The following SLCO1C1 variants were observed in gnomAD, a reference collection of about 807,000 sequenced individuals.
SLCO1C1 encodes the protein OAT-RP-5.
A neutral mutation model predicts 76.4 loss-of-function variants in SLCO1C1; 70 were observed. That is an observed-to-expected ratio of 0.92 (90% CI 0.76 to 1.12). The LOEUF (loss-of-function observed/expected upper bound fraction) is 1.12. SLCO1C1 is among the 50% of genes most tolerant of loss of function. The probability of loss-of-function intolerance (pLI) is 0.00; values close to 1 mark genes in which losing one functional copy is unlikely to be tolerated. For missense variants in SLCO1C1, 912 were observed against 823.8 expected (o/e 1.11, Z -1.31); for synonymous variants, 306 against 286.1 (o/e 1.07, Z -0.70).
intron 9 of SLCO1C1, among the ~76,000 whole-genome samples, chr12:20,730,861 T>G (rs1948230139): frequency 6.6e-6 from 1 of 152,144 alleles, no homozygotes; most frequent in South Asian, 2.1e-4. Context: ...CTGAGACACA[T>G]ACTCAAACAC....
At chr12:20,718,613 C>T (rs918604930) in intron 7 of SLCO1C1, among the ~76,000 whole-genome samples, 2 of 152,014 alleles carry the variant, frequency 1.3e-5, no homozygotes, top group African/African-American at 4.8e-5. Flanking sequence ...AGGTTTCCAA[C>T]GGGTTTGGAC....
chr12:20,750,922 T>C (rs762387725), intron 14 of SLCO1C1, 130 bp downstream of exon 14: 7 of 1,535,824 alleles, frequency 4.6e-6, no homozygotes. Flanking sequence ...TCAAAAAGTG[T>C]GATCTGTAGT....
intron 6 of SLCO1C1, among the ~76,000 whole-genome samples, chr12:20,715,892 C>A (rs1947339778): frequency 6.6e-6 from 1 of 152,154 alleles, no homozygotes; most frequent in Non-Finnish European, 1.5e-5. Context: ...ATAGCAGAGG[C>A]AAAGTCCTAA....
At position 20,725,025 on chromosome 12, in the gene SLCO1C1, A is replaced by G. The variant is rs191661286; in HGVS notation, c.1186+1771A>G. 4.8e-4 allele frequency among the ~76,000 whole-genome samples: 68 copies of G among 140,906 alleles called. 2 individuals are homozygous for G. The East Asian group carries it at 0.014, about 29-fold the overall frequency. The allele number at this position is 140,906 out of a possible 152,430, so 92.4% of individuals were successfully genotyped here. ...AAAACATATATTTAAAATATCTAAC[A>G]TATATTAATATGTATATAATATGTA... On this transcript the variant is annotated intron_variant, in intron 9 of 14. Coordinates refer to ENST00000266509, the MANE Select transcript of SLCO1C1 (RefSeq NM_017435.5).
At chr12:20,738,569 G>A (rs778033784) in intron 11 of SLCO1C1, among the ~76,000 whole-genome samples, 20 of 152,118 alleles carry the variant, frequency 1.3e-4, no homozygotes, top group Non-Finnish European at 2.6e-4. Context: ...CAATGAATAA[G>A]ACTACCTACT....
chr12:20,697,396 C>T (rs1946318805), intron 1 of SLCO1C1: 1 of 151,958 alleles, frequency 6.6e-6, no homozygotes, highest in African/African-American at 2.4e-5. Flanking sequence ...TCTTGCTTGG[C>T]AATATTTTTA....
chr12:20,726,634 T>C (rs1359462548), intron 9 of SLCO1C1, among the ~76,000 whole-genome samples: 4 of 152,180 alleles, frequency 2.6e-5, no homozygotes, highest in Non-Finnish European at 5.9e-5. Context: ...AGATTTTTAA[T>C]GAAAGAAATT....
rs755472313 is a variant in SLCO1C1 at position 20,723,046 on chromosome 12, C to T, written c.1022-44C>T. 2.1e-5 allele frequency: 33 copies of T among 1,547,106 alleles called. No individual in the cohort carries two copies. The East Asian group carries it at 3.4e-4, about 16-fold the overall frequency. On this transcript the variant is annotated intron_variant, in intron 8 of 14. Transcript: ENST00000266509. Reference sequence around the variant, plus strand: ...CAGCACGGCTACTTCTTCTTCCATGCGTGACACCAACTTTAATTAGTCTAT... The same window carrying T: ...CAGCACGGCTACTTCTTCTTCCATGTGTGACACCAACTTTAATTAGTCTAT...
intron 14 of SLCO1C1, among the ~76,000 whole-genome samples, chr12:20,751,448 T>A (rs573534793): frequency 8.5e-5 from 13 of 152,100 alleles, no homozygotes; most frequent in Non-Finnish European, 1.6e-4. Flanking sequence ...AAAGATTGTT[T>A]AAAAGACTTA....
At chr12:20,731,573 C>G (rs910300086) in intron 9 of SLCO1C1, among the ~76,000 whole-genome samples, 1 of 152,208 alleles carries the variant, frequency 6.6e-6, no homozygotes, top group Non-Finnish European at 1.5e-5. Context: ...ACAGTACATG[C>G]AAACTTTAGC....
At position 20,737,120 on chromosome 12, in the gene SLCO1C1, T is replaced by C. The variant is rs1391354232; in HGVS notation, c.1396T>C (p.Ser466Pro). Residue 466 changes from serine (S) to proline (P), a missense_variant, in exon 11 of 15, where the codon TCT (serine) becomes CCT (proline). By Grantham distance (74) the Ser-to-Pro change is moderately conservative. Coordinates refer to ENST00000266509, the MANE Select transcript of SLCO1C1 (RefSeq NM_017435.5). Reference sequence around the variant, plus strand: ...ATTTCTTTTCAGAACCAAACCTGTCTCTTATCATGAACGAGCTCTCTTTTC... The same window carrying C: ...ATTTCTTTTCAGAACCAAACCTGTCCCTTATCATGAACGAGCTCTCTTTTC... ...TVSYQGTKPVSYHERALFSDC... is the reference protein window; with the variant it reads ...TVSYQGTKPVPYHERALFSDC... 6.5e-7 allele frequency: 1 copy of C among 1,528,794 alleles called. No individual in the cohort carries two copies. Among genetic ancestry groups the C allele is most frequent in the South Asian group, 1.3e-5 (1 of 77,006 alleles). 94.7% of individuals were successfully genotyped at this position (1,528,794 alleles called of 1,614,324 possible). A position where few individuals can be genotyped will look rare whatever the true frequency, so the allele number is the denominator to read the frequency against.
At chr12:20,749,838 C>T (rs541788213) in intron 13 of SLCO1C1, among the ~76,000 whole-genome samples, 1 of 152,170 alleles carries the variant, frequency 6.6e-6, no homozygotes, top group Non-Finnish European at 1.5e-5. Context: ...AGAATTAATG[C>T]AGTTTAGTTT....
At chr12:20,712,693 T>G (rs1218130503) in intron 5 of SLCO1C1, among the ~76,000 whole-genome samples, 1 of 152,180 alleles carries the variant, frequency 6.6e-6, no homozygotes, top group African/African-American at 2.4e-5. Context: ...TTTTCACTCC[T>G]CTAATATTCT....
chr12:20,698,654 T>G (rs1946378415), intron 1 of SLCO1C1, among the ~76,000 whole-genome samples: 1 of 152,072 alleles, frequency 6.6e-6, no homozygotes, highest in East Asian at 1.9e-4. Context: ...AGGAATAACA[T>G]TATTCCACTC....
intron 9 of SLCO1C1, among the ~76,000 whole-genome samples, chr12:20,726,251 A>AT (rs35638975): frequency 1.3e-3 from 191 of 145,974 alleles, no homozygotes; most frequent in South Asian, 5.7e-3. Context: ...TCTTTTTCTT[A>AT]TTTTTTTTTT....
At chr12:20,730,233 G>C (rs188188154) in intron 9 of SLCO1C1, among the ~76,000 whole-genome samples, 8 of 152,308 alleles carry the variant, frequency 5.3e-5, no homozygotes, top group African/African-American at 1.9e-4. Context: ...GTAGGACCCT[G>C]CTGTTTGTGT....
intron 9 of SLCO1C1, among the ~76,000 whole-genome samples, chr12:20,726,149 G>T (rs572692894): frequency 1.3e-5 from 2 of 152,064 alleles, no homozygotes; most frequent in East Asian, 3.9e-4. Flanking sequence ...AAATAAAGAT[G>T]AAAGTATACA....
chr12:20,696,915 A>G (rs1362269503), intron 1 of SLCO1C1: 16 of 152,158 alleles, frequency 1.1e-4, no homozygotes, highest in Admixed American at 1.0e-3. Context: ...AAAGCTATGC[A>G]GTGCCAATAG....
chr12:20,740,273 A>C lies in SLCO1C1; in HGVS notation c.1638A>C (p.Gly546=), dbSNP rs1482227850. 1 of 1,613,914 alleles carries C rather than the reference A, an allele frequency of 6.2e-7. No homozygotes were observed. The part of the protein sequence containing the change: ...GIVGRCQKDN[G]CPQMFLYFLV... ...TGGGAAGATGTCAGAAAGACAATGG[A>C]TGTCCCCAAATGTTTCTGTATTTCC... is the stretch of plus-strand genomic sequence containing the variant. The change falls in exon 12 of 15, where the codon GGA becomes GGC. Residue 546 remains glycine (G), a synonymous_variant. Coordinates refer to ENST00000266509, the MANE Select transcript of SLCO1C1 (RefSeq NM_017435.5).
Sources: allele counts gnomAD v4.1 joint callset (sites outside exome capture counted in the v4.1 genomes callset), GRCh38; gene constraint gnomAD v4.1.1; transcripts MANE v1.5; gene names NCBI Gene and HGNC (gene_info 2026-07-23, HGNC 2026-07-21).